The following TEX14 variants were observed in gnomAD, a reference collection of about 807,000 sequenced individuals.
TEX14 encodes testis expressed 14, intercellular bridge forming factor, also known as inactive serine/threonine-protein kinase TEX14.
A neutral mutation model predicts 178.6 loss-of-function variants in TEX14; 168 were observed. The observed-to-expected ratio is 0.94, with a 90% CI of 0.83 to 1.07. The LOEUF (loss-of-function observed/expected upper bound fraction) is 1.07. Ranked by LOEUF, TEX14 falls within the 50% of genes least tolerant of loss-of-function variation. TEX14 has a pLI of 0.00. For synonymous variants in TEX14, 626 were observed against 634.1 expected (o/e 0.99, Z 0.19); for missense variants, 1,730 against 1,753.6 (o/e 0.99, Z 0.24).
chr17:58,588,877 C>A (rs2045047972), intron 15 of TEX14, among the ~76,000 whole-genome samples: 1 of 152,078 alleles, frequency 6.6e-6, no homozygotes, highest in Non-Finnish European at 1.5e-5. Flanking sequence ...CCAGCTTGTA[C>A]AACATAGTGA....
chr17:58,648,778 T>C (rs965264726), intron 2 of TEX14, among the ~76,000 whole-genome samples: 3 of 139,340 alleles, frequency 2.2e-5, no homozygotes, highest in Non-Finnish European at 4.5e-5. Context: ...GTGAATTTCT[T>C]TTTTTTTCTT....
chr17:58,558,634 A>G (rs2044203908), intron 30 of TEX14, among the ~76,000 whole-genome samples: 1 of 152,184 alleles, frequency 6.6e-6, no homozygotes, highest in Non-Finnish European at 1.5e-5. Context: ...AGATGATCTG[A>G]AAGAGTTAAA....
At chr17:58,614,201 A>G (rs1332376229) in intron 8 of TEX14, among the ~76,000 whole-genome samples, 1 of 151,874 alleles carries the variant, frequency 6.6e-6, no homozygotes, top group Non-Finnish European at 1.5e-5. Context: ...CATCAAGGAA[A>G]TGTCAGGGCC....
At chr17:58,622,656 G>A (rs566620340) in intron 4 of TEX14, among the ~76,000 whole-genome samples, 191 bp downstream of exon 4, 5 of 152,100 alleles carry the variant, frequency 3.3e-5, no homozygotes, top group African/African-American at 9.7e-5. Flanking sequence ...CTTTCCCATC[G>A]AATACGATGA....
At chr17:58,577,487 ATAT>A in intron 20 of TEX14, 31 bp from the exon 21 acceptor site, 7 of 841,280 alleles carry the variant, frequency 8.3e-6, no homozygotes, top group South Asian at 2.6e-5. Context: ...ATATATATAT[ATAT>A]TTTTTTTTAC....
At chr17:58,572,903 T>G (rs1020825520) in intron 23 of TEX14, among the ~76,000 whole-genome samples, 15 of 152,244 alleles carry the variant, frequency 9.9e-5, no homozygotes, top group African/African-American at 3.6e-4. Context: ...GCTCAATGTT[T>G]TTGTACTAAA....
At chr17:58,619,452 G>A (rs763135902) in intron 5 of TEX14, among the ~76,000 whole-genome samples, 9 of 152,090 alleles carry the variant, frequency 5.9e-5, no homozygotes, top group Admixed American at 1.3e-4. Flanking sequence ...TATCTGACAC[G>A]GCACCACTCA....
chr17:58,596,223 T>C (rs1415888874), intron 14 of TEX14, among the ~76,000 whole-genome samples: 1 of 152,174 alleles, frequency 6.6e-6, no homozygotes, highest in Non-Finnish European at 1.5e-5. Flanking sequence ...AACAGTTTTC[T>C]AGCAAACTCT....
At chr17:58,680,090 T>TC (rs1056985971) in intron 1 of TEX14, among the ~76,000 whole-genome samples, 5 of 147,242 alleles carry the variant, frequency 3.4e-5, no homozygotes, top group East Asian at 1.9e-4. Flanking sequence ...TCTTTTTTTT[T>TC]CCCCCCAGAG....
intron 2 of TEX14, chr17:58,631,753 C>G (rs527798484): frequency 2.7e-5 from 4 of 150,748 alleles, no homozygotes; most frequent in African/African-American, 1.0e-4. Context: ...AAATATCTCC[C>G]TCTCGCGGTT....
At chr17:58,581,704 T>C in intron 19 of TEX14, 2 of 1,613,268 alleles carry the variant, frequency 1.2e-6, no homozygotes, top group Middle Eastern at 3.3e-4. Context: ...AAGACTCTGG[T>C]GAACAAGTTG....
In TEX14 at chr17:58,584,479, T is replaced by C. The variant is rs780175932; in HGVS notation, c.3171+21A>G. On this transcript the variant is annotated intron_variant, in intron 19 of 31. Coordinates refer to ENST00000349033, the MANE Select transcript of TEX14 (RefSeq NM_031272.5). ...ATTAGATCTTTGGGTTCAACTTGGCTTTCCAGGCAGTATTACTTACACTGT... is the reference window on the plus strand; with the variant it reads ...ATTAGATCTTTGGGTTCAACTTGGCCTTCCAGGCAGTATTACTTACACTGT... 6 of 1,576,004 alleles carry C rather than the reference T, an allele frequency of 3.8e-6. No individual in the cohort carries two copies. In the African/African-American group the frequency reaches 6.7e-5, roughly 18 times the overall value.
At position 58,568,287 on chromosome 17, in the gene TEX14, A is replaced by G. The variant is rs988673245; in HGVS notation, c.3886+905T>C. On this transcript the variant is annotated intron_variant, in intron 26 of 31. Transcript: ENST00000349033. ...AAGAAACCAAGGAAGGTCTGACAGC[A>G]CTGACTGGCTCCACCCAAGTTCATC... Among the ~76,000 whole-genome samples the G allele has an allele frequency of 6.6e-5, 10 of 152,200 alleles. 1 individual carries two copies. The highest frequency in any genetic ancestry group is 2.4e-4 in the African/African-American group (10 of 41,464).
At chr17:58,647,614 CAAAAA>C (rs67832814) in intron 2 of TEX14, among the ~76,000 whole-genome samples, 2 of 115,310 alleles carry the variant, frequency 1.7e-5, no homozygotes, top group African/African-American at 3.1e-5. Flanking sequence ...TGAGGTCAGG[CAAAAA>C]AAAAAAAAAA....
At chr17:58,561,143 C>A (rs987275230) in intron 29 of TEX14, among the ~76,000 whole-genome samples, 8 of 152,222 alleles carry the variant, frequency 5.3e-5, no homozygotes, top group Non-Finnish European at 1.0e-4. Context: ...TTCCACCTGT[C>A]AAGATGATTT....
intron 2 of TEX14, among the ~76,000 whole-genome samples, chr17:58,642,247 T>A (rs1032958057): frequency 1.3e-5 from 2 of 152,222 alleles, no homozygotes; most frequent in Non-Finnish European, 2.9e-5. Flanking sequence ...CAGGGTCACA[T>A]GGACATTCAC....
At chr17:58,617,028 A>G (rs2045888143) in intron 6 of TEX14, among the ~76,000 whole-genome samples, 1 of 152,144 alleles carries the variant, frequency 6.6e-6, no homozygotes, top group African/African-American at 2.4e-5. Context: ...AGGCGGGTGG[A>G]CCGATTGAGT....
At position 58,599,084 on chromosome 17, in the gene TEX14, A is replaced by G; in HGVS notation, c.2261T>C (p.Ile754Thr). ...NDDRLRNIEQ[I>T]LDEVEMKQKE... is the part of the protein sequence containing the mutation. ...CTGTTTCATCTCGACTTCATCTAAT[A>G]TCTGCTCGATATTCCTCAGCCTATC... Residue 754 changes from isoleucine (I) to threonine (T), a missense_variant, in exon 14 of 32, where the codon ATA (isoleucine) becomes ACA (threonine). Around this residue, in one of 2 missense-constraint regions of TEX14, gnomAD observed 941 missense variants for 1,072.4 expected, o/e 0.88. Coordinates refer to ENST00000349033, the MANE Select transcript of TEX14 (RefSeq NM_031272.5). The G allele has an allele frequency of 6.2e-7, 1 of 1,614,154 alleles. No homozygotes were observed. The highest frequency in any genetic ancestry group is 8.5e-7 in the Non-Finnish European group (1 of 1,180,010).
At chr17:58,620,850 G>C (rs2045981453) in intron 5 of TEX14, among the ~76,000 whole-genome samples, 2 of 140,578 alleles carry the variant, frequency 1.4e-5, no homozygotes, top group South Asian at 2.2e-4. Flanking sequence ...AAACTGGCCA[G>C]AGTGGCACGC....
Sources: gnomAD v4.1 joint callset for allele counts (sites outside exome capture counted in the v4.1 genomes callset) on GRCh38, gnomAD v4.1.1 for gene constraint, gnomAD v4.1.1 regional missense constraint, MANE v1.5 for transcripts, NCBI Gene and HGNC (gene_info 2026-07-23, HGNC 2026-07-21) for gene names.